Variants in GLIS1 observed in about 807,000 individuals in gnomAD.
GLIS1 encodes the protein zinc finger protein GLIS1.
In GLIS1, 24 loss-of-function variants were observed where a neutral mutation model predicts 63.8. The observed-to-expected ratio is 0.38, with a 90% CI of 0.27 to 0.53. The LOEUF (loss-of-function observed/expected upper bound fraction) is 0.53. Among genes scored for constraint, GLIS1 ranks in the 20% least tolerant of loss-of-function variants. GLIS1 has a pLI of 0.85. For missense variants in GLIS1, 1,036 were observed against 1,074.1 expected, an observed-to-expected ratio of 0.96 and a Z score of 0.50; for synonymous variants, 450 against 482.5, an observed-to-expected ratio of 0.93 and a Z score of 0.88.
intron 2 of GLIS1, among the ~76,000 whole-genome samples, chr1:53,643,796 G>T (rs1464793644): frequency 6.6e-6 from 1 of 152,160 alleles, no homozygotes; most frequent in Non-Finnish European, 1.5e-5. Context: ...TAGCACTTCA[G>T]CCATCGGGGG....
chr1:53,626,263 C>T (rs372792387), intron 2 of GLIS1, among the ~76,000 whole-genome samples: 3 of 152,192 alleles, frequency 2.0e-5, no homozygotes, highest in African/African-American at 7.2e-5. Context: ...CATAAATAAA[C>T]AGCAGACACA....
chr1:53,521,389 T>A (rs1259965272), intron 6 of GLIS1, among the ~76,000 whole-genome samples: 1 of 151,870 alleles, frequency 6.6e-6, no homozygotes, highest in Non-Finnish European at 1.5e-5. Context: ...CAAGGTTCAG[T>A]GGAAATAGTT....
Position 53,573,853 on chromosome 1 carries a change from T to C in GLIS1, c.1320+20255A>G, listed in dbSNP as rs1645007626. ...ATCCCTTCGGAGTGGCTCCGGCTAA[T>C]GCTGGAGACCACAGATTTCTCCTTG... is the stretch of plus-strand genomic sequence containing the variant. On this transcript the variant is annotated intron_variant, in intron 4 of 10. Coordinates refer to ENST00000628545, the MANE Select transcript of GLIS1 (RefSeq NM_001367484.1). Among the ~76,000 whole-genome samples the C allele has an allele frequency of 2.0e-5, 3 of 152,238 alleles. No homozygotes were observed. In the South Asian group the frequency reaches 6.2e-4, roughly 31 times the overall value.
In GLIS1 at chr1:53,509,256, A is replaced by T. The variant is rs947954641; in HGVS notation, c.2094T>A (p.Ser698Arg). 4 of 1,590,968 alleles carry T rather than the reference A, an allele frequency of 2.5e-6. No individual in the cohort carries two copies. In the Admixed American group the frequency reaches 7.0e-5, roughly 28 times the overall value. Residue 698 changes from serine to arginine, a missense_variant, in exon 10 of 11, where the codon AGT (serine) becomes AGA (arginine). Ser to Arg is a moderately radical substitution (Grantham distance 110). This residue lies in a region of GLIS1 where 400 missense variants were observed against 400.9 expected (regional missense o/e 1.00). Transcript: ENST00000628545. The stretch of plus-strand genomic sequence containing the variant: ...GGTAGCAGTCGCCATAGGGGAAGCA[A>T]CTCTGGATGGAGTGGAAACTGCCCT... Reference protein sequence around the residue: ...GYQGSFHSIQSCFPYGDCYRM... With the variant: ...GYQGSFHSIQRCFPYGDCYRM...
chr1:53,700,237 C>CCCCAG (rs1291884646), intron 2 of GLIS1, among the ~76,000 whole-genome samples: 1 of 152,044 alleles, frequency 6.6e-6, no homozygotes, highest in Non-Finnish European at 1.5e-5. Flanking sequence ...TGGATGCGCC[C>CCCCAG]CCCAGGCCAC....
chr1:53,647,389 T>G (rs1446923246), intron 2 of GLIS1, among the ~76,000 whole-genome samples: 2 of 152,118 alleles, frequency 1.3e-5, no homozygotes, highest in Non-Finnish European at 2.9e-5. Context: ...AATCCAGAAA[T>G]AGAGCCATTT....
In GLIS1 at chr1:53,509,230, C is replaced by G. The variant is rs150825393; in HGVS notation, c.2120G>C (p.Arg707Pro). 6.3e-7 allele frequency: 1 copy of G among 1,595,310 alleles called. No individual in the cohort carries two copies. Among genetic ancestry groups the G allele is most frequent in the East Asian group, 2.3e-5 (1 of 43,998 alleles). The change falls in exon 10 of 11, where the codon CGG becomes CCG. Residue 707 changes from arginine (R) to proline (P), a missense_variant. By Grantham distance (103) the Arg-to-Pro change is moderately radical. Transcript: ENST00000628545. ...CCCACCGGCTGCTGGTTCAGCCATCCGGTAGCAGTCGCCATAGGGGAAGCA... is the reference window on the plus strand; with the variant it reads ...CCCACCGGCTGCTGGTTCAGCCATCGGGTAGCAGTCGCCATAGGGGAAGCA... ...QSCFPYGDCYRMAEPAAGGDG... is the reference protein window; with the variant it reads ...QSCFPYGDCYPMAEPAAGGDG...
chr1:53,571,376 ACATT>A (rs1644982182), intron 4 of GLIS1, among the ~76,000 whole-genome samples: 1 of 152,234 alleles, frequency 6.6e-6, no homozygotes, highest in Non-Finnish European at 1.5e-5. Context: ...TTCTAGGCAC[ACATT>A]CTAGTGAAAA....
At chr1:53,525,249 G>C (rs1031661982) in intron 5 of GLIS1, among the ~76,000 whole-genome samples, 1 of 151,662 alleles carries the variant, frequency 6.6e-6, no homozygotes, top group African/African-American at 2.4e-5. Flanking sequence ...GCATTGAGCA[G>C]ACAGGGAGTG....
intron 2 of GLIS1, among the ~76,000 whole-genome samples, chr1:53,728,538 C>T (rs758981878): frequency 1.3e-5 from 2 of 152,172 alleles, no homozygotes; most frequent in East Asian, 1.9e-4. Context: ...AGCCAGGATT[C>T]GAACCTAGTG....
intron 2 of GLIS1, among the ~76,000 whole-genome samples, chr1:53,654,279 C>T (rs1645939949): frequency 6.6e-6 from 1 of 152,224 alleles, no homozygotes; most frequent in Non-Finnish European, 1.5e-5. Context: ...TACTATTCCA[C>T]ACTATCTCTA....
rs547334900 is a variant in GLIS1 at position 53,594,889 on chromosome 1, C to T, written c.539G>A (p.Arg180His). 9.7e-6 allele frequency: 15 copies of T among 1,541,124 alleles called. No homozygotes were observed. The highest frequency in any genetic ancestry group is 6.0e-5 in the Admixed American group (3 of 50,244). The change falls in exon 4 of 11, where the codon CGC (arginine) becomes CAC (histidine). Residue 180 changes from arginine (R) to histidine (H), a missense_variant. Coordinates refer to ENST00000628545, the MANE Select transcript of GLIS1 (RefSeq NM_001367484.1). ...CCGACAGTGGGCAGACAGGGATGTG[C>T]GGGCCTCTGCCATGGCTTGGTAGTC... ...LPDYQAMAEA[R>H]TSLSAHCRGP... is the part of the protein sequence containing the mutation.
At chr1:53,656,108 T>A (rs2100344000) in intron 2 of GLIS1, among the ~76,000 whole-genome samples, 1 of 152,172 alleles carries the variant, frequency 6.6e-6, no homozygotes, top group African/African-American at 2.4e-5. Flanking sequence ...AGCTTCCTCA[T>A]CCTCCTGCCC....
At chr1:53,621,436 G>A (rs146088184) in intron 2 of GLIS1, among the ~76,000 whole-genome samples, 1,937 of 152,350 alleles carry the variant, frequency 0.013, 22 homozygotes, top group Admixed American at 0.041. Context: ...CCCCAGGCCC[G>A]TGTGGGAGGT....
intron 2 of GLIS1, among the ~76,000 whole-genome samples, chr1:53,675,899 A>C (rs1266185297): frequency 4.1e-4 from 35 of 84,642 alleles, no homozygotes; most frequent in Admixed American, 8.8e-4. Context: ...ACCCCATCCC[A>C]CCTCCTCTCC....
intron 2 of GLIS1, among the ~76,000 whole-genome samples, chr1:53,670,629 C>A (rs748421258): frequency 6.6e-6 from 1 of 152,246 alleles, no homozygotes; most frequent in African/African-American, 2.4e-5. Context: ...TGATAGGATT[C>A]AAATTGCTTC....
intron 4 of GLIS1, among the ~76,000 whole-genome samples, chr1:53,589,358 G>C (rs990759025): frequency 5.3e-5 from 8 of 152,166 alleles, no homozygotes; most frequent in African/African-American, 1.9e-4. Context: ...ACTCCCTTTA[G>C]CTCCCCCGCC....
chr1:53,689,720 G>T (rs1646381182), intron 2 of GLIS1, among the ~76,000 whole-genome samples: 1 of 152,156 alleles, frequency 6.6e-6, no homozygotes, highest in Non-Finnish European at 1.5e-5. Context: ...AACAGCCTGA[G>T]ACCAGACCTC....
intron 2 of GLIS1, among the ~76,000 whole-genome samples, chr1:53,735,007 G>C (rs189878037): frequency 1.3e-5 from 2 of 152,270 alleles, no homozygotes. Context: ...CCCGATTCCA[G>C]ATCAAATACA....
Sources: allele counts gnomAD v4.1 joint callset (sites outside exome capture counted in the v4.1 genomes callset), GRCh38; gene constraint gnomAD v4.1.1; regional missense constraint gnomAD v4.1.1; transcripts MANE v1.5; gene names NCBI Gene and HGNC (gene_info 2026-07-23, HGNC 2026-07-21).